ROBO1: variants seen among roughly 807,000 people sequenced by gnomAD.
The protein encoded by ROBO1 is roundabout homolog 1.
Under a neutral mutation model 195.9 loss-of-function variants are expected in ROBO1, and 149 were observed. The observed-to-expected ratio is 0.76, with a 90% CI of 0.67 to 0.87. The LOEUF is 0.87. Among genes scored for constraint, ROBO1 ranks in the 40% least tolerant of loss-of-function variants. ROBO1 has a pLI of 0.00. For synonymous variants in ROBO1, 816 were observed against 733.2 expected, an observed-to-expected ratio of 1.11 and a Z score of -1.82; for missense variants, 1,933 against 2,068.3, an observed-to-expected ratio of 0.93 and a Z score of 1.27.
At chr3:79,245,879 C>T (rs1156407872) in intron 2 of ROBO1, among the ~76,000 whole-genome samples, 5 of 152,190 alleles carry the variant, frequency 3.3e-5, no homozygotes, top group South Asian at 2.1e-4. Flanking sequence ...CTATGGAGCA[C>T]AGACTGACTC....
At position 79,627,835 on chromosome 3, in the gene ROBO1, A is replaced by C. The variant is rs754359277; in HGVS notation, c.-50-37874T>G. Among the ~76,000 whole-genome samples, 31 of 152,214 alleles carry C rather than the reference A, an allele frequency of 2.0e-4. 1 individual carries two copies. Among genetic ancestry groups the C allele is most frequent in the South Asian group, 2.1e-4 (1 of 4,836 alleles). On this transcript the variant is annotated intron_variant, in intron 1 of 30. Coordinates refer to ENST00000464233, the MANE Select transcript of ROBO1 (RefSeq NM_002941.4). The stretch of plus-strand genomic sequence containing the variant: ...AGCAACCCCATCAAAAAATGGGTTA[A>C]AGATAAGAACAGACACTTCTCAAAA...
intron 3 of ROBO1, among the ~76,000 whole-genome samples, chr3:78,972,392 T>C (rs2076788438): frequency 6.6e-6 from 1 of 152,176 alleles, no homozygotes; most frequent in Non-Finnish European, 1.5e-5. Context: ...GATCCACGGA[T>C]TTACCTTAAA....
At chr3:78,622,162 T>C (rs1428050260) in intron 26 of ROBO1, among the ~76,000 whole-genome samples, 1 of 152,210 alleles carries the variant, frequency 6.6e-6, no homozygotes, top group Non-Finnish European at 1.5e-5. Context: ...ATTCCTATTA[T>C]GTTGATCACC....
At chr3:79,551,662 C>A (rs1437630200) in intron 2 of ROBO1, among the ~76,000 whole-genome samples, 2 of 151,890 alleles carry the variant, frequency 1.3e-5, no homozygotes, top group Non-Finnish European at 1.5e-5. Context: ...ATGCTCCTAT[C>A]CTTGATGTAT....
chr3:79,602,281 A>G (rs984700268), intron 1 of ROBO1, among the ~76,000 whole-genome samples: 2 of 152,032 alleles, frequency 1.3e-5, no homozygotes, highest in African/African-American at 2.4e-5. Context: ...AGTAATTTTC[A>G]TATGTCAACA....
At chr3:79,758,318 T>C (rs1383965957) in intron 1 of ROBO1, among the ~76,000 whole-genome samples, 4 of 152,158 alleles carry the variant, frequency 2.6e-5, no homozygotes. Flanking sequence ...TAAAATAAAT[T>C]TAATTTAAAA....
At chr3:78,726,568 G>GT (rs2082166956) in intron 5 of ROBO1, among the ~76,000 whole-genome samples, 1 of 152,134 alleles carries the variant, frequency 6.6e-6, no homozygotes, top group African/African-American at 2.4e-5. Flanking sequence ...ATAGTCTAGC[G>GT]TATCATCCTT....
At chr3:78,836,512 C>CAAAAAAA (rs370559968) in intron 4 of ROBO1, among the ~76,000 whole-genome samples, 77,483 of 122,182 alleles carry the variant, frequency 0.63, 25,095 homozygotes, top group Middle Eastern at 0.75. Context: ...ACTCTGTCTC[C>CAAAAAAA]AAAAAAAAAA....
At chr3:79,662,421 G>A (rs1213709582) in intron 1 of ROBO1, among the ~76,000 whole-genome samples, 1 of 151,954 alleles carries the variant, frequency 6.6e-6, no homozygotes, top group Non-Finnish European at 1.5e-5. Context: ...TTCTTTGACT[G>A]TAAAAATTTT....
At chr3:78,873,594 T>G (rs2035668653) in intron 4 of ROBO1, among the ~76,000 whole-genome samples, 2 of 152,132 alleles carry the variant, frequency 1.3e-5, no homozygotes, top group Admixed American at 1.3e-4. Context: ...TACAAAAATT[T>G]CTAATATTTG....
chr3:78,813,088 T>C (rs1258853181), intron 4 of ROBO1, among the ~76,000 whole-genome samples: 1 of 152,054 alleles, frequency 6.6e-6, no homozygotes, highest in African/African-American at 2.4e-5. Context: ...TTTTAAGTGA[T>C]TCATTAACAA....
intron 4 of ROBO1, among the ~76,000 whole-genome samples, chr3:78,765,743 A>C (rs769096907): frequency 3.5e-4 from 53 of 152,162 alleles, no homozygotes; most frequent in Non-Finnish European, 5.7e-4. Context: ...TAGAGGACAA[A>C]GCTAGTTAAA....
chr3:79,086,512 C>G (rs1322193834), intron 3 of ROBO1, among the ~76,000 whole-genome samples: 1 of 152,084 alleles, frequency 6.6e-6, no homozygotes, highest in Non-Finnish European at 1.5e-5. Flanking sequence ...ACAATTGGTA[C>G]AAGACATATC....
intron 1 of ROBO1, among the ~76,000 whole-genome samples, chr3:79,635,032 T>C (rs886286754): frequency 2.0e-5 from 3 of 152,222 alleles, no homozygotes; most frequent in African/African-American, 7.2e-5. Context: ...TAACAACGTA[T>C]AAGATTGTGT....
intron 4 of ROBO1, among the ~76,000 whole-genome samples, chr3:78,771,826 T>C (rs2083383213): frequency 6.6e-6 from 1 of 152,146 alleles, no homozygotes; most frequent in Non-Finnish European, 1.5e-5. Context: ...AATCATATCA[T>C]CCGTGAAGAG....
chr3:79,048,907 A>G (rs1439847877), intron 3 of ROBO1, among the ~76,000 whole-genome samples: 1 of 152,154 alleles, frequency 6.6e-6, no homozygotes, highest in East Asian at 1.9e-4. Flanking sequence ...CCAACATCAA[A>G]GACCAAAGGT....
intron 2 of ROBO1, among the ~76,000 whole-genome samples, chr3:79,565,366 T>C (rs1943057332): frequency 6.6e-6 from 1 of 151,972 alleles, no homozygotes; most frequent in Non-Finnish European, 1.5e-5. Flanking sequence ...ATACTTAATA[T>C]ATGGCAGAAA....
chr3:79,278,346 G>C (rs1478043448), intron 2 of ROBO1, among the ~76,000 whole-genome samples: 1 of 151,698 alleles, frequency 6.6e-6, no homozygotes, highest in Non-Finnish European at 1.5e-5. Flanking sequence ...AGAAGACCCA[G>C]AATAGCCAAA....
At chr3:79,403,398 G>A (rs2106797913) in intron 2 of ROBO1, among the ~76,000 whole-genome samples, 1 of 152,076 alleles carries the variant, frequency 6.6e-6, no homozygotes, top group South Asian at 2.1e-4. Flanking sequence ...TTATAGCAGT[G>A]ATATATTCAT....
Sources: allele counts gnomAD v4.1 joint callset (sites outside exome capture counted in the v4.1 genomes callset), GRCh38; gene constraint gnomAD v4.1.1; transcripts MANE v1.5; gene names NCBI Gene and HGNC (gene_info 2026-07-23, HGNC 2026-07-21).